Variants in VXN observed in about 807,000 individuals in gnomAD.
The protein encoded by VXN is vexin.
A neutral mutation model predicts 23.1 loss-of-function variants in VXN; 7 were observed. That is an observed-to-expected ratio of 0.30 (90% CI 0.17 to 0.57). VXN has a LOEUF of 0.57. Among genes scored for constraint, VXN ranks in the 20% least tolerant of loss-of-function variants. The pLI is 0.91. For missense variants in VXN, 238 were observed against 272.6 expected, an observed-to-expected ratio of 0.87 and a Z score of 0.89; for synonymous variants, 120 against 105.8, an observed-to-expected ratio of 1.13 and a Z score of -0.83.
intron 2 of VXN, 137 bp downstream of exon 2, chr8:66,496,629 TCC>T: frequency 1.3e-6 from 1 of 745,050 alleles, no homozygotes; most frequent in Non-Finnish European, 2.3e-6. Context: ...TGCTGCACTC[TCC>T]GTTCTCCACT....
At chr8:66,511,049 C>T (rs1447612222) in intron 4 of VXN, among the ~76,000 whole-genome samples, 1 of 152,186 alleles carries the variant, frequency 6.6e-6, no homozygotes, top group Non-Finnish European at 1.5e-5. Context: ...GTGACCTTGA[C>T]AAGGTGGCCC....
chr8:66,499,289 G>A (rs1256536533), intron 2 of VXN, among the ~76,000 whole-genome samples: 2 of 146,724 alleles, frequency 1.4e-5, no homozygotes. Context: ...CTGGAGTGCA[G>A]TGGCGTGGTC....
Position 66,496,422 on chromosome 8 carries a change from T to C in VXN, c.71-15T>C. ...GATGTTGTCTAAAACCATTTCTTTC[T>C]CTCTGTCTTTGCAGTATCCAGTCCA... is the stretch of plus-strand genomic sequence containing the variant. On this transcript the variant is annotated splice_polypyrimidine_tract_variant and intron_variant, in intron 1 of 5. Transcript: ENST00000305454. 6.2e-7 allele frequency: 1 copy of C among 1,613,652 alleles called. No homozygotes were observed. The highest frequency in any genetic ancestry group is 8.5e-7 in the Non-Finnish European group (1 of 1,179,548).
At chr8:66,506,144 A>G (rs916918594) in intron 3 of VXN, among the ~76,000 whole-genome samples, 1 of 152,024 alleles carries the variant, frequency 6.6e-6, no homozygotes, top group Admixed American at 6.5e-5. Flanking sequence ...TGTAAATCAG[A>G]ATGCTGTGGG....
rs970921273 is a variant in VXN, at chr8:66,518,265, C to T, written c.*2189C>T. The T allele has an allele frequency of 6.6e-6, 1 of 152,266 alleles. No individual in the cohort carries two copies. The highest frequency in any genetic ancestry group is 2.4e-5 in the African/African-American group (1 of 41,472). 9.4% of individuals were successfully genotyped at this position (152,266 alleles called of 1,614,324 possible). ...TGGGTTCAAGAGATCCATCCTCCCACCTCAGTCTCCTGAAAGCTGGGATGA... is the reference window on the plus strand; with the variant it reads ...TGGGTTCAAGAGATCCATCCTCCCATCTCAGTCTCCTGAAAGCTGGGATGA... On this transcript the variant is annotated 3_prime_UTR_variant, in exon 6 of 6. Transcript: ENST00000305454.
intron 2 of VXN, among the ~76,000 whole-genome samples, chr8:66,499,347 C>G (rs931371105): frequency 1.3e-5 from 2 of 148,884 alleles, no homozygotes; most frequent in African/African-American, 5.0e-5. Flanking sequence ...ATCCTCCCTT[C>G]TTAGCCTCCC....
chr8:66,505,669 C>G (rs2130550027), intron 3 of VXN, 141 bp downstream of exon 3: 1 of 1,051,178 alleles, frequency 9.5e-7, no homozygotes. Context: ...TGTGCTTTCC[C>G]AAGTAAATGC....
chr8:66,516,354 A>T lies in VXN; in HGVS notation c.*278A>T, dbSNP rs1432262011. ...ATCTCTATCTTTAAGCAAAAAATTA[A>T]ACTTTCCCAGCTCATTTTAAAGACC... On this transcript the variant is annotated 3_prime_UTR_variant, in exon 6 of 6. Coordinates refer to ENST00000305454, the MANE Select transcript of VXN (RefSeq NM_152765.4). 4.0e-6 allele frequency: 1 copy of T among 252,410 alleles called. No homozygotes were observed. Among genetic ancestry groups the T allele is most frequent in the Non-Finnish European group, 7.4e-6 (1 of 134,438 alleles). The allele number at this position is 252,410 out of a possible 1,614,324, so 15.6% of individuals were successfully genotyped here. A position where few individuals can be genotyped will look rare whatever the true frequency, so the allele number is the denominator to read the frequency against.
intron 2 of VXN, among the ~76,000 whole-genome samples, chr8:66,500,060 C>T (rs549777217): frequency 1.3e-5 from 2 of 152,264 alleles, no homozygotes; most frequent in South Asian, 4.1e-4. Flanking sequence ...TATAATACAA[C>T]ATTGTATGAA....
intron 3 of VXN, among the ~76,000 whole-genome samples, chr8:66,508,673 T>C (rs868441246): frequency 1.3e-5 from 2 of 152,144 alleles, no homozygotes; most frequent in Non-Finnish European, 2.9e-5. Flanking sequence ...CAGTCAAGCC[T>C]CCTTAACCCT....
chr8:66,494,125 G>A (rs915084946), intron 1 of VXN, among the ~76,000 whole-genome samples: 1 of 152,160 alleles, frequency 6.6e-6, no homozygotes, highest in African/African-American at 2.4e-5. Context: ...ATTTCTAACT[G>A]TGCCATGCAA....
At position 66,505,143 on chromosome 8, in the gene VXN, C is replaced by T. The variant is rs568624217; in HGVS notation, c.127-232C>T. 3 of 677,862 alleles carry T rather than the reference C, an allele frequency of 4.4e-6. No individual in the cohort carries two copies. The East Asian group carries it at 8.6e-5, about 19-fold the overall frequency. 42.0% of individuals were successfully genotyped at this position (677,862 alleles called of 1,614,324 possible). A position where few individuals can be genotyped will look rare whatever the true frequency, so the allele number is the denominator to read the frequency against. On this transcript the variant is annotated intron_variant, in intron 2 of 5. Transcript: ENST00000305454. ...GAACACCCCTGCCCGCTCCAGAACC[C>T]TCATTTGCTTGCCCCATGGCACCAT...
chr8:66,498,431 A>G (rs1187781068), intron 2 of VXN, among the ~76,000 whole-genome samples: 3 of 152,386 alleles, frequency 2.0e-5, no homozygotes, highest in East Asian at 3.9e-4. Flanking sequence ...GTAAATGTAT[A>G]CATGTATATA....
At chr8:66,515,642 G>T (rs1807878987) in intron 5 of VXN, among the ~76,000 whole-genome samples, 1 of 152,166 alleles carries the variant, frequency 6.6e-6, no homozygotes, top group Non-Finnish European at 1.5e-5. Context: ...CAGAGCAGGG[G>T]GACAGTAGCA....
At chr8:66,503,137 C>T (rs1237675335) in intron 2 of VXN, among the ~76,000 whole-genome samples, 1 of 152,134 alleles carries the variant, frequency 6.6e-6, no homozygotes, top group Admixed American at 6.6e-5. Flanking sequence ...TAAGCCACTG[C>T]GCCCAGCCTG....
rs1807804302 is a variant in VXN, at chr8:66,510,078, C to T, written c.281-18C>T. ...ACAGAGTACCACTGAGTAATATCTCCTCTGTTCAACATTGCAGTGGGGATT... is the reference window on the plus strand; with the variant it reads ...ACAGAGTACCACTGAGTAATATCTCTTCTGTTCAACATTGCAGTGGGGATT... On this transcript the variant is annotated intron_variant, in intron 3 of 5. Coordinates refer to ENST00000305454, the MANE Select transcript of VXN (RefSeq NM_152765.4). 1 of 1,611,532 alleles carries T rather than the reference C, an allele frequency of 6.2e-7. No individual in the cohort carries two copies. Among genetic ancestry groups the T allele is most frequent in the Non-Finnish European group, 8.5e-7 (1 of 1,177,728 alleles).
At chr8:66,502,316 T>G (rs1258799665) in intron 2 of VXN, among the ~76,000 whole-genome samples, 1 of 152,202 alleles carries the variant, frequency 6.6e-6, no homozygotes, top group Non-Finnish European at 1.5e-5. Context: ...GCCACGACAA[T>G]GAAGATTCGT....
chr8:66,496,783 G>C (rs904207659), intron 2 of VXN, among the ~76,000 whole-genome samples: 12 of 152,146 alleles, frequency 7.9e-5, no homozygotes, highest in African/African-American at 2.9e-4. Flanking sequence ...AGTTCACGAT[G>C]TGGACATAGC....
At chr8:66,495,549 A>G (rs77180212) in intron 1 of VXN, among the ~76,000 whole-genome samples, 4,340 of 152,270 alleles carry the variant, frequency 0.029, 225 homozygotes, top group African/African-American at 0.098. Flanking sequence ...AGTGATTTCC[A>G]ATTTTATTTT....
Sources: allele counts gnomAD v4.1 joint callset (sites outside exome capture counted in the v4.1 genomes callset), GRCh38; gene constraint gnomAD v4.1.1; transcripts MANE v1.5; gene names NCBI Gene and HGNC (gene_info 2026-07-23, HGNC 2026-07-21).